The following OXR1 variants were observed in gnomAD, a reference collection of about 807,000 sequenced individuals.
OXR1 encodes oxidation resistance protein 1.
In OXR1, 41 loss-of-function variants were observed where a neutral mutation model predicts 104.6. The observed-to-expected ratio is 0.39, with a 90% CI of 0.31 to 0.51. The LOEUF (loss-of-function observed/expected upper bound fraction) is 0.51. Among genes scored for constraint, OXR1 ranks in the 20% least tolerant of loss-of-function variants. OXR1 has a pLI of 0.77. For synonymous variants in OXR1, 348 were observed against 348.4 expected (o/e 1.00, Z 0.01); for missense variants, 955 against 1,031.9 (o/e 0.93, Z 1.02).
intron 8 of OXR1, among the ~76,000 whole-genome samples, chr8:106,703,310 C>A (rs1830747464): frequency 6.6e-6 from 1 of 152,118 alleles, no homozygotes; most frequent in Non-Finnish European, 1.5e-5. Context: ...GTCAGAGAAC[C>A]AGATATTTGA....
At chr8:106,685,755 G>C (rs760067477) in intron 6 of OXR1, among the ~76,000 whole-genome samples, 3 of 151,272 alleles carry the variant, frequency 2.0e-5, no homozygotes, top group Non-Finnish European at 2.9e-5. Context: ...CCTACCATTT[G>C]ATCCAGCAAT....
rs542924476 is a variant in OXR1 at position 106,304,834 on chromosome 8, G to T, written c.-139+34467G>T. 3.3e-5 allele frequency among the ~76,000 whole-genome samples: 5 copies of T among 152,128 alleles called. No individual in the cohort carries two copies. In the South Asian group the frequency reaches 1.0e-3, roughly 32 times the overall value. On this transcript the variant is annotated intron_variant, in intron 1 of 16. Transcript: ENST00000517566. ...GGCAGGTTCTACCTTTTACTCAAGG[G>T]AATTTTAGTTTCATGGTTAATTGGC...
intron 15 of OXR1, among the ~76,000 whole-genome samples, chr8:106,744,110 C>T (rs1003013697): frequency 6.6e-6 from 1 of 152,156 alleles, no homozygotes; most frequent in African/African-American, 2.4e-5. Flanking sequence ...GGGCTTAATA[C>T]CTAGTTGATC....
intron 11 of OXR1, among the ~76,000 whole-genome samples, chr8:106,726,726 T>C (rs1833380971): frequency 6.6e-6 from 1 of 152,196 alleles, no homozygotes. Context: ...CTTAAGGGTA[T>C]AATTTTAAGA....
intron 3 of OXR1, among the ~76,000 whole-genome samples, chr8:106,586,566 C>T (rs886877494): frequency 6.6e-6 from 1 of 152,124 alleles, no homozygotes; most frequent in Non-Finnish European, 1.5e-5. Context: ...AGAAACTGTA[C>T]TAGAAATATT....
At chr8:106,432,207 G>A (rs1487440823) in intron 2 of OXR1, among the ~76,000 whole-genome samples, 2 of 152,064 alleles carry the variant, frequency 1.3e-5, no homozygotes, top group Non-Finnish European at 2.9e-5. Context: ...CTCTCTCACA[G>A]CATCAGTGCA....
chr8:106,445,806 T>A (rs188513086), intron 2 of OXR1, among the ~76,000 whole-genome samples: 1 of 152,274 alleles, frequency 6.6e-6, no homozygotes, highest in Admixed American at 6.5e-5. Context: ...ATCTTCCTAC[T>A]CCTCTTCAAG....
intron 1 of OXR1, among the ~76,000 whole-genome samples, chr8:106,337,997 G>A (rs911616579): frequency 3.3e-5 from 5 of 151,978 alleles, no homozygotes; most frequent in South Asian, 2.1e-4. Context: ...TCATTGTTCC[G>A]GTTATATCTG....
intron 2 of OXR1, among the ~76,000 whole-genome samples, chr8:106,445,805 C>T (rs1819990590): frequency 6.6e-6 from 1 of 152,184 alleles, no homozygotes; most frequent in Non-Finnish European, 1.5e-5. Flanking sequence ...TATCTTCCTA[C>T]TCCTCTTCAA....
At chr8:106,293,405 T>C (rs959449389) in intron 1 of OXR1, among the ~76,000 whole-genome samples, 18 of 152,220 alleles carry the variant, frequency 1.2e-4, no homozygotes, top group Non-Finnish European at 2.5e-4. Flanking sequence ...AAAGCCATTA[T>C]TACCAAGTGG....
chr8:106,428,897 A>T (rs181209478), intron 2 of OXR1, among the ~76,000 whole-genome samples: 2 of 152,288 alleles, frequency 1.3e-5, no homozygotes, highest in East Asian at 3.9e-4. Flanking sequence ...TACGAGACTC[A>T]TGGCCTGATG....
Position 106,689,578 on chromosome 8 carries a change from T to A in OXR1, c.526-3150T>A, listed in dbSNP as rs546065638. 2.0e-4 allele frequency among the ~76,000 whole-genome samples: 31 copies of A among 152,088 alleles called. No individual in the cohort carries two copies. The South Asian group carries it at 3.9e-3, about 19-fold the overall frequency. Reference sequence around the variant, plus strand: ...TTTATTTATATTCTAGAATTTTATATTTTTTGTCTTTGAAGGAAAGGGGAA... The same window carrying A: ...TTTATTTATATTCTAGAATTTTATAATTTTTGTCTTTGAAGGAAAGGGGAA... On this transcript the variant is annotated intron_variant, in intron 6 of 16. Coordinates refer to ENST00000517566, the MANE Select transcript of OXR1 (RefSeq NM_001198533.2).
At chr8:106,530,328 C>T (rs1814000755) in intron 3 of OXR1, among the ~76,000 whole-genome samples, 1 of 151,984 alleles carries the variant, frequency 6.6e-6, no homozygotes, top group African/African-American at 2.4e-5. Context: ...GAGATGAAGT[C>T]TCAGTGTCAT....
At position 106,648,285 on chromosome 8, in the gene OXR1, T is replaced by C. The variant is rs796452383; in HGVS notation, c.221-30925T>C. 3.9e-5 allele frequency among the ~76,000 whole-genome samples: 6 copies of C among 152,228 alleles called. No homozygotes were observed. The South Asian group carries it at 1.2e-3, about 32-fold the overall frequency. On this transcript the variant is annotated intron_variant, in intron 3 of 16. Transcript: ENST00000517566. ...GCAGGAATAAAAAGATTGAGAAGAT[T>C]GAACATTAAACAGAACTTCAGTCAT... is the stretch of plus-strand genomic sequence containing the variant.
intron 2 of OXR1, among the ~76,000 whole-genome samples, chr8:106,395,311 C>A (rs2130455743): frequency 6.6e-6 from 1 of 152,184 alleles, no homozygotes. Context: ...GATTTTCATG[C>A]TGCTGATAAA....
intron 1 of OXR1, among the ~76,000 whole-genome samples, chr8:106,271,493 G>A (rs1180367525): frequency 6.6e-6 from 1 of 152,044 alleles, no homozygotes; most frequent in South Asian, 2.1e-4. Flanking sequence ...GGTGTTTTTG[G>A]CCGGGAAGTC....
intron 2 of OXR1, among the ~76,000 whole-genome samples, chr8:106,489,759 T>A (rs981282925): frequency 1.3e-5 from 2 of 152,200 alleles, no homozygotes; most frequent in African/African-American, 4.8e-5. Flanking sequence ...ACTTGCATTC[T>A]GTTGGCTTGA....
intron 7 of OXR1, chr8:106,697,287 A>G: frequency 1.4e-6 from 1 of 714,218 alleles, no homozygotes; most frequent in East Asian, 2.5e-5. Context: ...CAGAGGTGAT[A>G]GGACAGGCTG....
intron 2 of OXR1, among the ~76,000 whole-genome samples, chr8:106,516,489 T>C (rs1408914831): frequency 6.6e-6 from 1 of 152,076 alleles, no homozygotes; most frequent in African/African-American, 2.4e-5. Context: ...CAGGAATGAA[T>C]GAACAGTTCA....
Sources: allele counts gnomAD v4.1 joint callset (sites outside exome capture counted in the v4.1 genomes callset), GRCh38; gene constraint gnomAD v4.1.1; transcripts MANE v1.5; gene names NCBI Gene and HGNC (gene_info 2026-07-23, HGNC 2026-07-21).